CENPF: variants seen among roughly 807,000 people sequenced by gnomAD.
The protein encoded by CENPF is AH antigen.
Under a neutral mutation model 307.3 loss-of-function variants are expected in CENPF, and 214 were observed. The observed-to-expected ratio is 0.70, with a 90% CI of 0.62 to 0.78. The LOEUF (loss-of-function observed/expected upper bound fraction) is 0.78. Among genes scored for constraint, CENPF ranks in the 30% least tolerant of loss-of-function variants. CENPF has a pLI of 0.00. For missense variants in CENPF, 3,401 were observed against 3,483.9 expected (o/e 0.98, Z 0.60); for synonymous variants, 1,259 against 1,270.6 (o/e 0.99, Z 0.19).
intron 11 of CENPF, among the ~76,000 whole-genome samples, chr1:214,639,082 T>C (rs1375930998): frequency 6.6e-6 from 1 of 152,246 alleles, no homozygotes; most frequent in East Asian, 1.9e-4. Context: ...CCACTTGATA[T>C]GATGTCTGAG....
intron 11 of CENPF, among the ~76,000 whole-genome samples, chr1:214,639,502 A>G (rs1658048656): frequency 6.6e-6 from 1 of 152,196 alleles, no homozygotes. Context: ...GAATTACTCT[A>G]CAATAAAGTG....
Position 214,659,143 on chromosome 1 carries a change from T to A in CENPF, c.9141+115T>A. 1 of 1,076,540 alleles carries A rather than the reference T, an allele frequency of 9.3e-7. No homozygotes were observed. Among genetic ancestry groups the A allele is most frequent in the East Asian group, 2.5e-5 (1 of 39,978 alleles). 66.7% of individuals were successfully genotyped at this position (1,076,540 alleles called of 1,614,324 possible). ...AGGAGCGCTTTCAAAAAGTCTGACCTTCTTGGTGTGGTGTAAGTCAGTCAG... is the reference window on the plus strand; with the variant it reads ...AGGAGCGCTTTCAAAAAGTCTGACCATCTTGGTGTGGTGTAAGTCAGTCAG... On this transcript the variant is annotated intron_variant, in intron 19 of 19. Transcript: ENST00000366955. The surrounding 1 kb of genome is among the most constrained non-coding windows in gnomAD (Gnocchi z 4.4).
chr1:214,657,873 C>T lies in CENPF; in HGVS notation c.8962+464C>T, dbSNP rs1446227497. ...GTCTGGCCCAAGGACTGGTGCCATT[C>T]TAGGAACTGTTTGTTATTGGTTCCC... is the stretch of plus-strand genomic sequence containing the variant. On this transcript the variant is annotated intron_variant, in intron 18 of 19. Coordinates refer to ENST00000366955, the MANE Select transcript of CENPF (RefSeq NM_016343.4). Among the ~76,000 whole-genome samples the T allele has an allele frequency of 3.3e-5, 5 of 152,202 alleles. No homozygotes were observed. In the East Asian group the frequency reaches 9.6e-4, roughly 29 times the overall value.
rs1451805100 is a variant in CENPF at position 214,659,256 on chromosome 1, G to A, written c.9141+228G>A. Among the ~76,000 whole-genome samples, 2 of 152,046 alleles carry A rather than the reference G, an allele frequency of 1.3e-5. No individual in the cohort carries two copies. The highest frequency in any genetic ancestry group is 4.8e-5 in the African/African-American group (2 of 41,396). ...ACAGGCCGCTTATATGTAGTTTGAT[G>A]GAAAATGGCATTGTTACATCAAAAC... On this transcript the variant is annotated intron_variant, in intron 19 of 19. Coordinates refer to ENST00000366955, the MANE Select transcript of CENPF (RefSeq NM_016343.4). The surrounding 1 kb of genome is among the most constrained non-coding windows in gnomAD (Gnocchi z 4.4).
intron 9 of CENPF, among the ~76,000 whole-genome samples, chr1:214,631,547 T>A (rs1657808786): frequency 6.6e-6 from 1 of 152,244 alleles, no homozygotes; most frequent in South Asian, 2.1e-4. Flanking sequence ...TCACCCAGGC[T>A]GGAGTGCAGT....
intron 17 of CENPF, among the ~76,000 whole-genome samples, chr1:214,656,478 G>GT (rs534206361): frequency 2.9e-3 from 437 of 152,168 alleles, no homozygotes; most frequent in African/African-American, 0.01. Flanking sequence ...CTTTCAGAGT[G>GT]TTTTTTTGGA....
At chr1:214,652,587 G>A (rs1658514744) in intron 15 of CENPF, among the ~76,000 whole-genome samples, 1 of 151,180 alleles carries the variant, frequency 6.6e-6, no homozygotes. Context: ...GGGATTATAG[G>A]CGCCTGCCAC....
At chr1:214,603,869 C>T (rs1226099384) in intron 1 of CENPF, among the ~76,000 whole-genome samples, 1 of 151,778 alleles carries the variant, frequency 6.6e-6, no homozygotes, top group Admixed American at 6.6e-5. Flanking sequence ...CCCTATATTG[C>T]CTAGGCTGGT....
intron 2 of CENPF, 76 bp downstream of exon 2, chr1:214,613,992 C>T: frequency 1.5e-6 from 2 of 1,313,752 alleles, no homozygotes; most frequent in Non-Finnish European, 2.0e-6. Context: ...AAACTGTTCA[C>T]TCATTTTTGG....
At chr1:214,626,031 AATC>A (rs1193560686) in intron 7 of CENPF, among the ~76,000 whole-genome samples, 3 of 152,164 alleles carry the variant, frequency 2.0e-5, no homozygotes, top group Non-Finnish European at 4.4e-5. Context: ...ATATATATAA[AATC>A]ATTGCTAAGC....
At position 214,651,843 on chromosome 1, in the gene CENPF, C is replaced by G. The variant is rs765643834; in HGVS notation, c.8117C>G (p.Ala2706Gly). The G allele has an allele frequency of 6.2e-7, 1 of 1,609,432 alleles. No homozygotes were observed. Among genetic ancestry groups the G allele is most frequent in the Non-Finnish European group, 8.5e-7 (1 of 1,178,892 alleles). The change falls in exon 15 of 20, where the codon GCT becomes GGT. Residue 2706 changes from alanine (A) to glycine (G), a missense_variant. By Grantham distance (60) the Ala-to-Gly change is moderately conservative (BLOSUM62 0). Coordinates refer to ENST00000366955, the MANE Select transcript of CENPF (RefSeq NM_016343.4). The stretch of plus-strand genomic sequence containing the variant: ...GAATATCAGCTACGGCTTCATGAAG[C>G]TGAAAAGAAACACCAGGCTTTGCTT... ...IAEYQLRLHE[A>G]EKKHQALLLD...
In CENPF at chr1:214,647,245, A is replaced by C. The variant is rs745387201; in HGVS notation, c.7675A>C (p.Arg2559=). Reference sequence around the variant, plus strand: ...TTGGAAGGAGCAAAACTTAGAACTGAGAAATCTGACAGTGGAATTGGAGCA... The same window carrying C: ...TTGGAAGGAGCAAAACTTAGAACTGCGAAATCTGACAGTGGAATTGGAGCA... ...QLWKEQNLEL[R]NLTVELEQKI... Residue 2559 remains arginine, a synonymous_variant, in exon 13 of 20, where the codon AGA becomes CGA. Coordinates refer to ENST00000366955, the MANE Select transcript of CENPF (RefSeq NM_016343.4). 35 of 1,614,014 alleles carry C rather than the reference A, an allele frequency of 2.2e-5. No homozygotes were observed. In the Admixed American group the frequency reaches 5.5e-4, roughly 25 times the overall value.
At position 214,644,705 on chromosome 1, in the gene CENPF, C is replaced by G; in HGVS notation, c.5135C>G (p.Thr1712Ser). ...LNLDIEKITE[T>S]GAVKPTGECS... ...CTAGACATTGAGAAAATAACTGAGACTGGTGCAGTGAAACCCACAGGAGAG... is the reference window on the plus strand; with the variant it reads ...CTAGACATTGAGAAAATAACTGAGAGTGGTGCAGTGAAACCCACAGGAGAG... The change falls in exon 13 of 20, where the codon ACT becomes AGT. Residue 1712 changes from threonine (T) to serine (S), a missense_variant. Thr to Ser is a moderately conservative substitution (Grantham distance 58). Coordinates refer to ENST00000366955, the MANE Select transcript of CENPF (RefSeq NM_016343.4). The G allele has an allele frequency of 6.2e-7, 1 of 1,613,932 alleles. No individual in the cohort carries two copies. The highest frequency in any genetic ancestry group is 8.5e-7 in the Non-Finnish European group (1 of 1,179,912).
Position 214,630,596 on chromosome 1 carries a change from C to G in CENPF, c.1257C>G (p.Ala419=), listed in dbSNP as rs149792761. ...TLDQECIQMK[A]RLTQELQQAK... ...ACCAGGAGTGCATCCAGATGAAGGC[C>G]AGACTCACCCAGGAGTTACAGCAAG... Residue 419 remains alanine (A), a synonymous_variant, in exon 9 of 20, where the codon GCC becomes GCG. Transcript: ENST00000366955. 2.2e-4 allele frequency: 354 copies of G among 1,614,130 alleles called. 4 individuals carry two copies. In the African/African-American group the frequency reaches 4.5e-3, roughly 20 times the overall value.
chr1:214,660,146 G>T (rs920055591), intron 19 of CENPF, among the ~76,000 whole-genome samples: 9 of 152,112 alleles, frequency 5.9e-5, no homozygotes, highest in Non-Finnish European at 1.3e-4. Context: ...CAACAGATTT[G>T]CAAATTTCTT....
chr1:214,622,285 C>T lies in CENPF; in HGVS notation c.1068+4C>T, dbSNP rs758875229. Reference sequence around the variant, plus strand: ...ATACGACCAGGCGTCAACCAAGGTACTTGACTTTTCGTGAATTACTGGAGA... The same window carrying T: ...ATACGACCAGGCGTCAACCAAGGTATTTGACTTTTCGTGAATTACTGGAGA... On this transcript the variant is annotated splice_donor_region_variant and intron_variant, in intron 7 of 19. Coordinates refer to ENST00000366955, the MANE Select transcript of CENPF (RefSeq NM_016343.4). 1 of 1,589,448 alleles carries T rather than the reference C, an allele frequency of 6.3e-7. No homozygotes were observed. Among genetic ancestry groups the T allele is most frequent in the Non-Finnish European group, 8.5e-7 (1 of 1,170,416 alleles).
Position 214,642,470 on chromosome 1 carries a change from C to A in CENPF, c.4132C>A (p.Pro1378Thr), listed in dbSNP as rs888301710. ...TGGTGAACAACCAAATGAACAGCAC[C>A]CTGTGTCTTTGGCTCCATTGGACGA... ...EFGEQPNEQH[P>T]VSLAPLDESN... is the part of the protein sequence containing the mutation. The change falls in exon 12 of 20, where the codon CCT (proline) becomes ACT (threonine). Residue 1378 changes from proline (P) to threonine (T), a missense_variant. Transcript: ENST00000366955. 1.9e-6 allele frequency: 3 copies of A among 1,604,456 alleles called. No homozygotes were observed. The African/African-American group carries it at 4.0e-5, about 22-fold the overall frequency.
intron 1 of CENPF, among the ~76,000 whole-genome samples, chr1:214,607,922 C>T (rs1465982034): frequency 6.6e-6 from 1 of 152,200 alleles, no homozygotes; most frequent in African/African-American, 2.4e-5. Flanking sequence ...GATGCAGCAG[C>T]CTCGCCTCAC....
intron 7 of CENPF, among the ~76,000 whole-genome samples, chr1:214,627,459 C>G (rs921144007): frequency 6.6e-6 from 1 of 150,410 alleles, no homozygotes; most frequent in South Asian, 2.1e-4. Context: ...CTGCAACCTC[C>G]GCCTCCTGGG....
Sources: allele counts gnomAD v4.1 joint callset (sites outside exome capture counted in the v4.1 genomes callset), GRCh38; gene constraint gnomAD v4.1.1; non-coding constraint Gnocchi (gnomAD v3.1); transcripts MANE v1.5; gene names NCBI Gene and HGNC (gene_info 2026-07-23, HGNC 2026-07-21).